Variants in SYN3 observed in about 807,000 individuals in gnomAD.
The protein encoded by SYN3 is synapsin-3.
Under a neutral mutation model 65.8 loss-of-function variants are expected in SYN3, and 35 were observed. The observed-to-expected ratio is 0.53, with a 90% CI of 0.41 to 0.70. The LOEUF (loss-of-function observed/expected upper bound fraction) is 0.70, where lower values mean the gene tolerates loss of function less well. Among genes scored for constraint, SYN3 ranks in the 30% least tolerant of loss-of-function variants. The pLI is 0.00. For missense variants in SYN3, 680 were observed against 749.0 expected (o/e 0.91, Z 1.08); for synonymous variants, 270 against 292.9 (o/e 0.92, Z 0.80).
chr22:32,644,419 A>T (rs1173561922), intron 6 of SYN3, among the ~76,000 whole-genome samples: 1 of 151,986 alleles, frequency 6.6e-6, no homozygotes, highest in Non-Finnish European at 1.5e-5. Flanking sequence ...GAGGATAAAG[A>T]TCCTCCTTCT....
chr22:32,678,853 C>A (rs2060483102), intron 6 of SYN3, among the ~76,000 whole-genome samples: 1 of 151,928 alleles, frequency 6.6e-6, no homozygotes, highest in African/African-American at 2.4e-5. Flanking sequence ...TACTCTATTT[C>A]TTTGACTATT....
intron 6 of SYN3, among the ~76,000 whole-genome samples, chr22:32,829,675 A>G (rs1395732136): frequency 1.3e-5 from 2 of 152,126 alleles, no homozygotes; most frequent in East Asian, 3.9e-4. Context: ...AGCCAGGACA[A>G]TGCCGGTCCC....
At chr22:32,594,935 T>A (rs770296579) in intron 7 of SYN3, among the ~76,000 whole-genome samples, 1 of 152,220 alleles carries the variant, frequency 6.6e-6, no homozygotes, top group Non-Finnish European at 1.5e-5. Flanking sequence ...TGGCCTCACA[T>A]TGTTTAACTC....
intron 6 of SYN3, among the ~76,000 whole-genome samples, chr22:32,733,277 G>A (rs1425038412): frequency 6.6e-6 from 1 of 152,198 alleles, no homozygotes; most frequent in Non-Finnish European, 1.5e-5. Context: ...ATTTGTCAAG[G>A]GGTGGGGTGG....
chr22:32,884,877 AAAAAG>A (rs1037212716), intron 4 of SYN3, among the ~76,000 whole-genome samples: 198 of 152,330 alleles, frequency 1.3e-3, no homozygotes, highest in African/African-American at 4.5e-3. Context: ...CTGTCTCAAA[AAAAAG>A]AAAAGAAAAG....
intron 2 of SYN3, among the ~76,000 whole-genome samples, chr22:32,982,529 C>T (rs564805072): frequency 6.6e-6 from 1 of 152,186 alleles, no homozygotes; most frequent in Non-Finnish European, 1.5e-5. Flanking sequence ...TAATCCTGAC[C>T]TATGATTCAT....
At chr22:32,857,802 A>G (rs754381504) in intron 6 of SYN3, among the ~76,000 whole-genome samples, 7 of 152,194 alleles carry the variant, frequency 4.6e-5, no homozygotes, top group Non-Finnish European at 7.3e-5. Flanking sequence ...ACCTTTGGCA[A>G]ATCACTTTAC....
intron 6 of SYN3, among the ~76,000 whole-genome samples, chr22:32,624,139 C>G (rs1168432841): frequency 1.3e-5 from 2 of 152,212 alleles, no homozygotes; most frequent in East Asian, 3.9e-4. Flanking sequence ...TTTTCTGAAA[C>G]ATGGGGACAG....
chr22:32,879,608 T>C (rs1033690682), intron 4 of SYN3, among the ~76,000 whole-genome samples: 1 of 152,214 alleles, frequency 6.6e-6, no homozygotes, highest in Non-Finnish European at 1.5e-5. Flanking sequence ...GGCTAATCAC[T>C]TCCCAAAGAC....
At chr22:32,633,570 C>T (rs752645631) in intron 6 of SYN3, among the ~76,000 whole-genome samples, 3 of 152,058 alleles carry the variant, frequency 2.0e-5, no homozygotes, top group Non-Finnish European at 2.9e-5. Context: ...GGTGGTACGC[C>T]GAGGACAGCA....
intron 6 of SYN3, among the ~76,000 whole-genome samples, chr22:32,726,948 G>A (rs1272318006): frequency 1.3e-5 from 2 of 150,808 alleles, no homozygotes; most frequent in Non-Finnish European, 2.9e-5. Flanking sequence ...ACCCTCCAAT[G>A]CTTGCATTGA....
chr22:33,006,205 G>C, intron 2 of SYN3, 147 bp downstream of exon 2: 1 of 869,576 alleles, frequency 1.1e-6, no homozygotes, highest in Non-Finnish European at 1.7e-6. Flanking sequence ...GCAGCCACTT[G>C]GTACATGTTA....
At chr22:32,538,819 G>A (rs1257076994) in intron 8 of SYN3, among the ~76,000 whole-genome samples, 1 of 152,184 alleles carries the variant, frequency 6.6e-6, no homozygotes, top group African/African-American at 2.4e-5. Flanking sequence ...CTAATGCTCA[G>A]TAATGCTCAT....
intron 6 of SYN3, among the ~76,000 whole-genome samples, chr22:32,785,346 G>A (rs747759510): frequency 1.1e-4 from 16 of 152,108 alleles, no homozygotes; most frequent in Admixed American, 2.0e-4. Context: ...CCATGCTTCC[G>A]GGTAGAGTCT....
intron 6 of SYN3, among the ~76,000 whole-genome samples, chr22:32,847,420 C>T (rs978003318): frequency 3.3e-5 from 5 of 152,182 alleles, no homozygotes; most frequent in African/African-American, 1.2e-4. Context: ...GAGCTGCCTC[C>T]GCTAAATTGC....
At chr22:32,750,499 G>A (rs1329622790) in intron 6 of SYN3, among the ~76,000 whole-genome samples, 2 of 152,210 alleles carry the variant, frequency 1.3e-5, no homozygotes, top group Non-Finnish European at 2.9e-5. Flanking sequence ...GTGGTGTACA[G>A]GTGGCAGCGG....
At chr22:32,567,451 C>A (rs996285289) in intron 7 of SYN3, among the ~76,000 whole-genome samples, 4 of 151,216 alleles carry the variant, frequency 2.6e-5, no homozygotes, top group African/African-American at 9.7e-5. Flanking sequence ...AACACAGAGC[C>A]AAAAGAGATT....
chr22:32,813,532 CACACGT>C (rs1001919616), intron 6 of SYN3, among the ~76,000 whole-genome samples: 44 of 144,990 alleles, frequency 3.0e-4, no homozygotes, highest in African/African-American at 5.4e-4. Flanking sequence ...CACACACACA[CACACGT>C]GGACCAAACA....
intron 3 of SYN3, among the ~76,000 whole-genome samples, chr22:32,935,557 TCTC>T (rs987081952): frequency 2.6e-5 from 4 of 151,680 alleles, no homozygotes; most frequent in Non-Finnish European, 5.9e-5. Context: ...TTCAAGCAAT[TCTC>T]CTGCCTCAGC....
Sources: allele counts gnomAD v4.1 joint callset (sites outside exome capture counted in the v4.1 genomes callset), GRCh38; gene constraint gnomAD v4.1.1; transcripts MANE v1.5; gene names NCBI Gene and HGNC (gene_info 2026-07-23, HGNC 2026-07-21).